Variants in RPS24 observed in about 807,000 individuals in gnomAD.
The protein encoded by RPS24 is small ribosomal subunit protein eS24.
For synonymous variants in RPS24, 72 were observed against 55.6 expected (o/e 1.30, Z -1.31); for missense variants, 100 against 162.5 (o/e 0.62, Z 2.09).
intron 4 of RPS24, among the ~76,000 whole-genome samples, chr10:78,048,631 C>T (rs761904849): frequency 3.3e-5 from 5 of 151,886 alleles, no homozygotes; most frequent in Admixed American, 6.6e-5. Flanking sequence ...CCTGTAATCA[C>T]GTTGGGAGGC....
chr10:78,046,855 C>T (rs2131990448), intron 4 of RPS24, among the ~76,000 whole-genome samples: 1 of 152,306 alleles, frequency 6.6e-6, no homozygotes, highest in East Asian at 1.9e-4. Flanking sequence ...TTAGCTGAGG[C>T]AGCGATTCTC....
intron 4 of RPS24, among the ~76,000 whole-genome samples, chr10:78,049,641 G>T (rs1191306465): frequency 6.6e-6 from 1 of 152,182 alleles, no homozygotes; most frequent in Non-Finnish European, 1.5e-5. Flanking sequence ...ACTGGGTGAG[G>T]CAATGAAGCG....
intron 4 of RPS24, chr10:78,038,190 T>C (rs1472685527): frequency 8.8e-6 from 2 of 226,148 alleles, no homozygotes; most frequent in Non-Finnish European, 1.8e-5. Context: ...TAGTATATTA[T>C]GAGCAAAGGA....
At chr10:78,045,028 G>T (rs1206850478), downstream of RPS24, among the ~76,000 whole-genome samples, 1 of 151,958 alleles carries the variant, frequency 6.6e-6, no homozygotes, top group African/African-American at 2.4e-5. Flanking sequence ...CACTCTTGTT[G>T]CCCCGGCTGG....
intron 3 of RPS24, chr10:78,035,993 A>T (rs998208722): frequency 2.2e-6 from 1 of 444,616 alleles, no homozygotes; most frequent in Non-Finnish European, 4.2e-6. Flanking sequence ...AAGTAAGGGG[A>T]TGTGTTTGGA....
At position 78,038,066 on chromosome 10, in the gene RPS24, C is replaced by A. The variant is rs547861478; in HGVS notation, c.390+762C>A. 8.2e-6 allele frequency: 7 copies of A among 855,672 alleles called. No individual in the cohort carries two copies. The East Asian group carries it at 3.1e-4, about 38-fold the overall frequency. The allele number at this position is 855,672 out of a possible 1,614,324, so 53.0% of individuals were successfully genotyped here. On this transcript the variant is annotated intron_variant, in intron 4 of 5. Transcript: ENST00000372360. ...GATGCTTTGCATGTTGGCCTTTGGA[C>A]GACAGTTTTATAGTATGGTCGATTA...
At chr10:78,053,195 A>G (rs573286723) in intron 4 of RPS24, among the ~76,000 whole-genome samples, 144 of 151,618 alleles carry the variant, frequency 9.5e-4, no homozygotes, top group Middle Eastern at 3.4e-3. Flanking sequence ...ACAAAAAAAA[A>G]AAAAGAAAAG....
intron 4 of RPS24, among the ~76,000 whole-genome samples, chr10:78,048,673 G>A (rs867905168): frequency 4.6e-5 from 7 of 151,946 alleles, no homozygotes; most frequent in African/African-American, 1.7e-4. Flanking sequence ...TCAGGAGTTC[G>A]AGACCAGCTT....
chr10:78,055,292 G>A (rs1162556840), exon 5 of RPS24: 10 of 356,518 alleles, frequency 2.8e-5, no homozygotes, highest in Non-Finnish European at 4.5e-5. Flanking sequence ...ATTTTTCCTC[G>A]TCAGCAGTTG....
chr10:78,043,580 A>G (rs765191866), downstream of RPS24, among the ~76,000 whole-genome samples: 2 of 146,006 alleles, frequency 1.4e-5, no homozygotes, highest in Non-Finnish European at 2.9e-5. Context: ...CAAATTCCCA[A>G]TTTACTGACC....
intron 5 of RPS24, 49 bp from the exon 6 acceptor site, chr10:78,040,566 A>G: frequency 7.1e-7 from 1 of 1,401,560 alleles, no homozygotes; most frequent in Non-Finnish European, 1.0e-6. Flanking sequence ...AAGACTTTAA[A>G]GAATTTTAAA....
chr10:78,046,043 TTAG>T (rs949394001), intron 4 of RPS24, among the ~76,000 whole-genome samples: 7 of 151,658 alleles, frequency 4.6e-5, no homozygotes, highest in African/African-American at 1.7e-4. Flanking sequence ...GTTTTCAGAG[TTAG>T]TAGATCTGGG....
chr10:78,050,981 A>T (rs535618077), intron 4 of RPS24, among the ~76,000 whole-genome samples: 1 of 151,910 alleles, frequency 6.6e-6, no homozygotes, highest in Non-Finnish European at 1.5e-5. Flanking sequence ...ACCTGAGGTC[A>T]GGCGTTCGAG....
exon 5 of RPS24, chr10:78,054,849 G>A: frequency 6.4e-7 from 1 of 1,551,304 alleles, no homozygotes; most frequent in Non-Finnish European, 8.7e-7. Context: ...CCACCCTGTG[G>A]ACGGTGACTT....
intron 1 of RPS24, among the ~76,000 whole-genome samples, chr10:78,034,817 A>G (rs539308071): frequency 2.0e-5 from 3 of 152,340 alleles, no homozygotes; most frequent in African/African-American, 7.2e-5. Flanking sequence ...GCAAGACATG[A>G]TAAACACAGT....
chr10:78,055,235 A>C (rs1225355735), exon 5 of RPS24: 1 of 529,038 alleles, frequency 1.9e-6, no homozygotes, highest in East Asian at 3.5e-5. Context: ...ACCACCTTCC[A>C]GCTCCAGCGG....
downstream of RPS24, among the ~76,000 whole-genome samples, chr10:78,042,069 A>G (rs751021444): frequency 3.3e-5 from 5 of 152,348 alleles, no homozygotes; most frequent in Non-Finnish European, 7.3e-5. Flanking sequence ...GAGCCTTGTT[A>G]GGCATAACAT....
At chr10:78,042,926 A>G (rs1848001515), downstream of RPS24, among the ~76,000 whole-genome samples, 2 of 152,320 alleles carry the variant, frequency 1.3e-5, no homozygotes, top group South Asian at 2.1e-4. Context: ...AGCATCTTAC[A>G]TGGTGCTCTC....
At chr10:78,034,407 A>T (rs746439018) in intron 1 of RPS24, 5 of 183,334 alleles carry the variant, frequency 2.7e-5, no homozygotes, top group Non-Finnish European at 5.9e-5. Flanking sequence ...CCCTGGAAAG[A>T]GATGTTATAA....
Sources: gnomAD v4.1 joint callset for allele counts (sites outside exome capture counted in the v4.1 genomes callset) on GRCh38, gnomAD v4.1.1 for gene constraint, MANE v1.5 for transcripts, NCBI Gene and HGNC (gene_info 2026-07-23, HGNC 2026-07-21) for gene names.